The following RPF2 variants were observed in gnomAD, a reference collection of about 807,000 sequenced individuals.
RPF2 encodes ribosome production factor 2 homolog, also known as brix domain containing 1.
In RPF2, 21 loss-of-function variants were observed where a neutral mutation model predicts 38.9. That is an observed-to-expected ratio of 0.54 (90% confidence interval 0.38 to 0.78). RPF2 has a LOEUF of 0.78. RPF2 is among the 30% of genes least tolerant of loss of function. The pLI, the probability that RPF2 is intolerant of heterozygous loss-of-function variation, is 0.00. For synonymous variants in RPF2, 121 were observed against 126.2 expected (o/e 0.96, Z 0.28); for missense variants, 314 against 358.1 (o/e 0.88, Z 0.99).
At chr6:111,012,174 TTTTC>T (rs1214445563) in intron 7 of RPF2, among the ~76,000 whole-genome samples, 1 of 150,342 alleles carries the variant, frequency 6.7e-6, no homozygotes, top group Non-Finnish European at 1.5e-5. Context: ...TTTTTTTTTT[TTTTC>T]TTTTTTTGAG....
At chr6:111,000,197 C>G (rs1312499871) in intron 6 of RPF2, among the ~76,000 whole-genome samples, 1 of 152,134 alleles carries the variant, frequency 6.6e-6, no homozygotes, top group Non-Finnish European at 1.5e-5. Context: ...CCTTGACCTC[C>G]TGGGCTCAAG....
intron 7 of RPF2, among the ~76,000 whole-genome samples, chr6:111,009,656 T>C (rs1244570898): frequency 6.6e-6 from 1 of 152,168 alleles, no homozygotes; most frequent in Non-Finnish European, 1.5e-5. Flanking sequence ...GTAATGAATA[T>C]AAGGACTACA....
intron 3 of RPF2, among the ~76,000 whole-genome samples, chr6:110,990,571 CCCA>C (rs386704827): frequency 0.059 from 7,872 of 134,328 alleles, 377 homozygotes; most frequent in South Asian, 0.15. Context: ...CCCCCCCCCC[CCCA>C]CCTTTTCTTT....
At chr6:110,992,135 C>T (rs542768309) in intron 4 of RPF2, among the ~76,000 whole-genome samples, 5 of 151,966 alleles carry the variant, frequency 3.3e-5, no homozygotes, top group South Asian at 2.1e-4. Flanking sequence ...GGAGAAACCC[C>T]GTCTCTACTA....
At chr6:111,016,908 G>T (rs1256660052) in intron 8 of RPF2, among the ~76,000 whole-genome samples, 4 of 151,706 alleles carry the variant, frequency 2.6e-5, no homozygotes, top group Non-Finnish European at 2.9e-5. Context: ...CTGCCTTCAA[G>T]CATCTGTTTA....
Position 111,025,574 on chromosome 6 carries a change from A to G in RPF2, c.913A>G (p.Lys305Glu), listed in dbSNP as rs1481343065. ...DHEKKSKRIKKN is the reference protein window; with the variant it reads ...DHEKKSKRIKEN ...CGAGAAAAAGTCAAAAAGAATTAAA[A>G]AAAATTGATGGAACTTAGCCAGCCA... Residue 305 changes from lysine to glutamate, a missense_variant, in exon 10 of 10, where the codon AAA (lysine) becomes GAA (glutamate). Lys to Glu is a moderately conservative substitution (Grantham distance 56, BLOSUM62 1). Coordinates refer to ENST00000441448, the MANE Select transcript of RPF2 (RefSeq NM_032194.3). The G allele has an allele frequency of 4.4e-6, 7 of 1,605,282 alleles. No individual in the cohort carries two copies. The highest frequency in any genetic ancestry group is 5.9e-6 in the Non-Finnish European group (7 of 1,177,682).
chr6:111,019,237 G>A (rs767938609), intron 8 of RPF2, among the ~76,000 whole-genome samples: 17 of 152,082 alleles, frequency 1.1e-4, no homozygotes, highest in Non-Finnish European at 2.4e-4. Context: ...AAATTAGCTG[G>A]GTATGGTGGC....
chr6:110,998,150 C>T (rs1254733227), intron 5 of RPF2, among the ~76,000 whole-genome samples: 1 of 152,146 alleles, frequency 6.6e-6, no homozygotes, highest in Admixed American at 6.5e-5. Context: ...AGTGATCCAC[C>T]CGCCTTGGCC....
chr6:110,988,370 G>A (rs75410569), intron 2 of RPF2, among the ~76,000 whole-genome samples: 4 of 151,498 alleles, frequency 2.6e-5, no homozygotes, highest in East Asian at 1.9e-4. Flanking sequence ...TGATCTCCAC[G>A]CAACATTATT....
At chr6:110,999,098 C>T (rs374808189) in intron 5 of RPF2, among the ~76,000 whole-genome samples, 1 of 152,088 alleles carries the variant, frequency 6.6e-6, no homozygotes, top group African/African-American at 2.4e-5. Context: ...TTCCTTCTGT[C>T]TCTGTCGGAA....
rs1437504815 is a variant in RPF2, at chr6:111,016,593, G to GAAAA, written c.596+740_596+743dup. On this transcript the variant is annotated intron_variant, in intron 8 of 9. Coordinates refer to ENST00000441448, the MANE Select transcript of RPF2 (RefSeq NM_032194.3). ...GCCTGGGCAACAGAGTGAGGGCGCTGAAAAAACAAAAAACAAAAAACTCTT... is the reference window on the plus strand; with the variant it reads ...GCCTGGGCAACAGAGTGAGGGCGCTGAAAAAAAAAACAAAAAACAAAAAACTCTT... Among the ~76,000 whole-genome samples, 76 of 141,308 alleles carry GAAAA rather than the reference G, an allele frequency of 5.4e-4. 1 individual carries two copies. Among genetic ancestry groups the GAAAA allele is most frequent in the Non-Finnish European group, 8.1e-4 (54 of 66,382 alleles). 92.7% of individuals were successfully genotyped at this position (141,308 alleles called of 152,430 possible).
intron 2 of RPF2, among the ~76,000 whole-genome samples, chr6:110,987,170 C>T (rs1007654435): frequency 2.6e-5 from 4 of 151,920 alleles, no homozygotes; most frequent in Admixed American, 6.6e-5. Flanking sequence ...CGGGTTCAGG[C>T]GATTCTCCTG....
chr6:111,013,045 A>G (rs898688158), intron 7 of RPF2, among the ~76,000 whole-genome samples: 5 of 152,308 alleles, frequency 3.3e-5, no homozygotes, highest in South Asian at 2.1e-4. Context: ...TTCTTGGTCA[A>G]AATCCTAACA....
At position 111,027,952 on chromosome 6, in the gene RPF2, A is replaced by T. The variant is rs1176413405; in HGVS notation, c.*2370A>T. The T allele has an allele frequency of 6.6e-6, 1 of 152,182 alleles. No homozygotes were observed. Among genetic ancestry groups the T allele is most frequent in the Non-Finnish European group, 1.5e-5 (1 of 68,032 alleles). 9.4% of individuals were successfully genotyped at this position (152,182 alleles called of 1,614,324 possible). ...TTACTTTAGAATACAACACACATAAATTGGAGACTATGTATTCATTTCAAT... is the reference window on the plus strand; with the variant it reads ...TTACTTTAGAATACAACACACATAATTTGGAGACTATGTATTCATTTCAAT... On this transcript the variant is annotated 3_prime_UTR_variant, in exon 10 of 10. Transcript: ENST00000441448.
At chr6:110,996,601 A>T (rs2114308382) in intron 4 of RPF2, among the ~76,000 whole-genome samples, 1 of 152,330 alleles carries the variant, frequency 6.6e-6, no homozygotes, top group South Asian at 2.1e-4. Context: ...ATAACAAAAT[A>T]AATGGTTTCA....
At chr6:110,986,923 C>A (rs1771534799) in intron 2 of RPF2, among the ~76,000 whole-genome samples, 1 of 149,134 alleles carries the variant, frequency 6.7e-6, no homozygotes, top group East Asian at 2.0e-4. Context: ...ATTGCACTTA[C>A]TCCAGCCTGG....
intron 7 of RPF2, among the ~76,000 whole-genome samples, chr6:111,014,236 A>G (rs1772068157): frequency 6.6e-6 from 1 of 151,520 alleles, no homozygotes; most frequent in African/African-American, 2.4e-5. Flanking sequence ...TCCCAGGTTC[A>G]AGTGATTCTC....
chr6:110,984,260 A>G (rs1349513781), intron 1 of RPF2, among the ~76,000 whole-genome samples: 2 of 152,154 alleles, frequency 1.3e-5, no homozygotes, highest in African/African-American at 4.8e-5. Flanking sequence ...ATGTTTAGTA[A>G]ATGTCCACAG....
rs148074653 is a variant in RPF2 at position 110,992,033 on chromosome 6, G to A, written c.234+247G>A. Among the ~76,000 whole-genome samples, 94 of 152,238 alleles carry A rather than the reference G, an allele frequency of 6.2e-4. 1 individual carries two copies. The East Asian group carries it at 0.017, about 27-fold the overall frequency. On this transcript the variant is annotated intron_variant, in intron 4 of 9. Transcript: ENST00000441448. ...TAAAATTTTTAAAACTTGGCCGGGC[G>A]CGGTGGCTCACGCCTGTAATCCTAG... is the stretch of plus-strand genomic sequence containing the variant.
Sources: allele counts gnomAD v4.1 joint callset (sites outside exome capture counted in the v4.1 genomes callset), GRCh38; gene constraint gnomAD v4.1.1; transcripts MANE v1.5; gene names NCBI Gene and HGNC (gene_info 2026-07-23, HGNC 2026-07-21).